MIA2: variants seen among roughly 807,000 people sequenced by gnomAD.
The protein encoded by MIA2 is MIA SH3 domain ER export factor 2.
Under a neutral mutation model 167.8 loss-of-function variants are expected in MIA2, and 127 were observed. That is an observed-to-expected ratio of 0.76 (90% CI 0.66 to 0.88). The LOEUF is 0.88. Among genes scored for constraint, MIA2 ranks in the 40% least tolerant of loss-of-function variants. MIA2 has a pLI of 0.00. For missense variants in MIA2, 1,690 were observed against 1,624.7 expected (o/e 1.04, Z -0.69); for synonymous variants, 552 against 541.9 (o/e 1.02, Z -0.26).
At position 39,308,454 on chromosome 14, in the gene MIA2, A is replaced by G. The variant is rs1386157269; in HGVS notation, c.2884A>G (p.Ile962Val). Residue 962 changes from isoleucine to valine, a missense_variant, in exon 18 of 29, where the codon ATT becomes GTT. By Grantham distance (29) the Ile-to-Val change is conservative. Coordinates refer to ENST00000640607, the MANE Select transcript of MIA2 (RefSeq NM_001329214.4). ...DKTKEELTEH[I>V]KNLQTEQASL... ...GACTTAAAATTTTTATATAGAGCAT[A>G]TTAAAAATCTTCAGACTGAACAAGC... 4 of 1,513,224 alleles carry G rather than the reference A, an allele frequency of 2.6e-6. No individual in the cohort carries two copies. Among genetic ancestry groups the G allele is most frequent in the Non-Finnish European group, 3.6e-6 (4 of 1,123,574 alleles). 93.7% of individuals were successfully genotyped at this position (1,513,224 alleles called of 1,614,324 possible).
Position 39,315,726 on chromosome 14 carries a change from T to G in MIA2, c.3216+8T>G, listed in dbSNP as rs1257278330. The G allele has an allele frequency of 1.6e-5, 24 of 1,533,996 alleles. No homozygotes were observed. The highest frequency in any genetic ancestry group is 2.1e-5 in the Non-Finnish European group (24 of 1,120,994). On this transcript the variant is annotated splice_region_variant and intron_variant, in intron 21 of 28. Transcript: ENST00000640607. The stretch of plus-strand genomic sequence containing the variant: ...AAAGCACATGATAATTGGGTAAGTT[T>G]AAAATTTCCTTAAGTCTCTTTTGTC...
chr14:39,301,039 T>TACACAC lies in MIA2; in HGVS notation c.2620-1057_2620-1052dup, dbSNP rs58641218. Among the ~76,000 whole-genome samples the TACACAC allele has an allele frequency of 4.8e-5, 7 of 145,240 alleles. No homozygotes were observed. The South Asian group carries it at 6.6e-4, about 14-fold the overall frequency. The stretch of plus-strand genomic sequence containing the variant: ...ATATACACACATATATACATATACA[T>TACACAC]ACACACACACACACACACACACACA... On this transcript the variant is annotated intron_variant, in intron 14 of 28. Transcript: ENST00000640607.
At position 39,319,388 on chromosome 14, in the gene MIA2, ATTTATATAAATATTTTAGAT is replaced by A. The variant is rs2066022755; in HGVS notation, c.3367+102_3367+121del. Reference sequence around the variant, plus strand: ...TCTATTAGTGTAAGTTAACACTGTTATTTATATAAATATTTTAGATTTTAGAACCAAGGTTCTAGACTAAG... The same window carrying A: ...TCTATTAGTGTAAGTTAACACTGTTATTTAGAACCAAGGTTCTAGACTAAG... On this transcript the variant is annotated intron_variant, in intron 23 of 28. Transcript: ENST00000640607. 1.5e-5 allele frequency: 8 copies of A among 522,632 alleles called. No individual in the cohort carries two copies. The South Asian group carries it at 6.8e-4, about 44-fold the overall frequency. The allele number at this position is 522,632 out of a possible 1,614,324, so 32.4% of individuals were successfully genotyped here.
intron 2 of MIA2, 71 bp downstream of exon 2, chr14:39,237,126 T>A (rs757955593): frequency 1.9e-6 from 3 of 1,552,470 alleles, no homozygotes; most frequent in Admixed American, 3.6e-5. Context: ...TTCCTTTTCT[T>A]TTCTTTTTTT....
chr14:39,260,751 C>T (rs970651932), intron 6 of MIA2, among the ~76,000 whole-genome samples: 1 of 152,076 alleles, frequency 6.6e-6, no homozygotes, highest in African/African-American at 2.4e-5. Context: ...GTTGCCATTG[C>T]TTTTGGTGTT....
intron 6 of MIA2, among the ~76,000 whole-genome samples, chr14:39,265,020 A>C (rs1008316791): frequency 6.6e-6 from 1 of 152,116 alleles, no homozygotes; most frequent in Non-Finnish European, 1.5e-5. Context: ...TGTACTCTAT[A>C]TGAATAGGCT....
chr14:39,328,240 T>C (rs1289988586), intron 25 of MIA2, among the ~76,000 whole-genome samples: 2 of 152,224 alleles, frequency 1.3e-5, no homozygotes, highest in African/African-American at 4.8e-5. Flanking sequence ...CTTTTTTTCA[T>C]ATGTTTGTTG....
Position 39,386,331 on chromosome 14 carries a change from C to G in MIA2, c.2249-554C>G, listed in dbSNP as rs191215445. ...ACTGTGCTGGGACCATCACTGATAGCTTCATCACAAGACTCAGACTCCGAG... is the reference window on the plus strand; with the variant it reads ...ACTGTGCTGGGACCATCACTGATAGGTTCATCACAAGACTCAGACTCCGAG... On this transcript the variant is annotated intron_variant, in intron 23 of 23. Transcript: ENST00000341502. The G allele has an allele frequency of 1.1e-4, 170 of 1,501,034 alleles. No individual in the cohort carries two copies. The East Asian group carries it at 3.7e-3, about 33-fold the overall frequency. The allele number at this position is 1,501,034 out of a possible 1,614,324, so 93.0% of individuals were successfully genotyped here.
chr14:39,280,760 A>C (rs1395590184), intron 9 of MIA2, among the ~76,000 whole-genome samples: 4 of 149,416 alleles, frequency 2.7e-5, no homozygotes, highest in Admixed American at 1.3e-4. Flanking sequence ...AACAAACAAA[A>C]AAACCCTACT....
chr14:39,293,247 A>G, intron 10 of MIA2, 24 bp from the exon 11 acceptor site: 1 of 1,462,856 alleles, frequency 6.8e-7, no homozygotes, highest in Non-Finnish European at 9.5e-7. Flanking sequence ...ATATCTGTTT[A>G]ATAAAGTTGG....
chr14:39,299,366 G>A (rs1013082494), intron 13 of MIA2, among the ~76,000 whole-genome samples: 2 of 129,172 alleles, frequency 1.5e-5, no homozygotes, highest in African/African-American at 5.7e-5. Flanking sequence ...GGAGTGCAGT[G>A]GTGCAATCTT....
intron 6 of MIA2, among the ~76,000 whole-genome samples, chr14:39,263,328 G>T (rs1241056600): frequency 6.6e-6 from 1 of 151,162 alleles, no homozygotes; most frequent in Non-Finnish European, 1.5e-5. Flanking sequence ...TTATTGATTT[G>T]TGTATGTTGA....
chr14:39,321,454 C>G (rs1436624157), intron 24 of MIA2, among the ~76,000 whole-genome samples: 1 of 151,730 alleles, frequency 6.6e-6, no homozygotes, highest in South Asian at 2.1e-4. Context: ...GCTGGGACTA[C>G]AGGCGCCCGC....
chr14:39,287,547 T>A (rs557614411), intron 9 of MIA2, among the ~76,000 whole-genome samples: 20 of 151,802 alleles, frequency 1.3e-4, no homozygotes, highest in South Asian at 6.2e-4. Context: ...TTCATTATTT[T>A]AAAAATTTTA....
chr14:39,388,112 C>T lies in MIA2; in HGVS notation c.*1160C>T, dbSNP rs944798007. The T allele has an allele frequency of 2.6e-5, 4 of 152,094 alleles. No homozygotes were observed. Among genetic ancestry groups the T allele is most frequent in the African/African-American group, 7.2e-5 (3 of 41,402 alleles). 9.4% of individuals were successfully genotyped at this position (152,094 alleles called of 1,614,324 possible). A position where few individuals can be genotyped will look rare whatever the true frequency, so the allele number is the denominator to read the frequency against. On this transcript the variant is annotated 3_prime_UTR_variant, in exon 24 of 24. Coordinates refer to the MIA2 transcript ENST00000341502. The surrounding 1 kb of genome is among the most constrained non-coding windows in gnomAD (Gnocchi z 4.1). ...CCAAGGTAGGGCTGTACCATAATGC[C>T]GAGTTCCCCCATCTGCTAATCATTT... is the stretch of plus-strand genomic sequence containing the variant.
intron 1 of MIA2, among the ~76,000 whole-genome samples, chr14:39,235,795 G>GA (rs1020446217): frequency 4.0e-5 from 6 of 150,782 alleles, no homozygotes; most frequent in Non-Finnish European, 7.4e-5. Context: ...TATATATAAA[G>GA]AAAAAAAAAT....
At chr14:39,243,143 A>G (rs530974686) in intron 3 of MIA2, among the ~76,000 whole-genome samples, 3 of 151,360 alleles carry the variant, frequency 2.0e-5, no homozygotes, top group Admixed American at 6.6e-5. Flanking sequence ...AAAAAAGAAG[A>G]CAAAGAAAAA....
chr14:39,246,827 C>A, intron 3 of MIA2, 84 bp from the exon 4 acceptor site: 3 of 746,886 alleles, frequency 4.0e-6, no homozygotes, highest in Non-Finnish European at 6.2e-6. Context: ...GGGAATATCA[C>A]AATCATCCAT....
intron 6 of MIA2, among the ~76,000 whole-genome samples, chr14:39,273,881 TG>T (rs1177706780): frequency 6.6e-6 from 1 of 152,190 alleles, no homozygotes; most frequent in East Asian, 1.9e-4. Context: ...CCTCTATGTT[TG>T]GGAAGAGTTT....
Sources: gnomAD v4.1 joint callset for allele counts (sites outside exome capture counted in the v4.1 genomes callset) on GRCh38, gnomAD v4.1.1 for gene constraint, Gnocchi (gnomAD v3.1) non-coding constraint, MANE v1.5 for transcripts, NCBI Gene and HGNC (gene_info 2026-07-23, HGNC 2026-07-21) for gene names.